CFAP43: variants seen among roughly 807,000 people sequenced by gnomAD.
The protein encoded by CFAP43 is cilia- and flagella-associated protein 43.
A neutral mutation model predicts 218.9 loss-of-function variants in CFAP43; 155 were observed. The ratio of observed to expected loss-of-function variants is 0.71; its 90% CI spans 0.62 to 0.81. CFAP43 has a LOEUF of 0.81. Among genes scored for constraint, CFAP43 ranks in the 30% least tolerant of loss-of-function variants. The pLI is 0.00. For missense variants in CFAP43, 1,778 were observed against 1,954.3 expected (o/e 0.91, Z 1.70); for synonymous variants, 645 against 681.3 (o/e 0.95, Z 0.83).
intron 10 of CFAP43, among the ~76,000 whole-genome samples, chr10:104,195,361 G>A (rs2090354087): frequency 6.6e-6 from 1 of 152,196 alleles, no homozygotes; most frequent in African/African-American, 2.4e-5. Context: ...TCTCTAATGT[G>A]TGAAAGGACA....
intron 3 of CFAP43, chr10:104,218,975 A>T: frequency 2.5e-6 from 1 of 402,012 alleles, no homozygotes; most frequent in Admixed American, 3.8e-5. Context: ...GACAGAAGGA[A>T]ACACATGTTG....
Position 104,206,002 on chromosome 10 carries a change from G to GACTGATAAAATTTCTGGACTGATATCA in CFAP43, c.923_924insTGATATCAGTCCAGAAATTTTATCAGT (p.Thr308_Leu309insAspIleSerProGluIleLeuSerVal). On this transcript the variant is annotated inframe_insertion, in exon 7 of 38. Transcript: ENST00000357060. ...GCACGCCCTCCTTCTGATATACCAA[G>GACTGATAAAATTTCTGGACTGATATCA]GTTACTGGACTGATAAAATTTCTTC... 1 of 1,610,210 alleles carries GACTGATAAAATTTCTGGACTGATATCA rather than the reference G, an allele frequency of 6.2e-7. No individual in the cohort carries two copies.
chr10:104,186,534 A>G (rs985353133), intron 14 of CFAP43, among the ~76,000 whole-genome samples: 3 of 151,952 alleles, frequency 2.0e-5, no homozygotes, highest in African/African-American at 7.3e-5. Flanking sequence ...GGAATGCCCT[A>G]CTCTACTCCA....
chr10:104,196,937 T>TA lies in CFAP43; in HGVS notation c.1213-5dup. 3 of 1,606,274 alleles carry TA rather than the reference T, an allele frequency of 1.9e-6. No homozygotes were observed. Among genetic ancestry groups the TA allele is most frequent in the South Asian group, 2.2e-5 (2 of 89,230 alleles). ...TTTCCCCTGAATATGTAAGTGTCTG[T>TA]AAAAAAAGAAAAACAAAAACTCTAC... is the stretch of plus-strand genomic sequence containing the variant. On this transcript the variant is annotated splice_region_variant and splice_polypyrimidine_tract_variant and intron_variant, in intron 9 of 37. Coordinates refer to ENST00000357060, the MANE Select transcript of CFAP43 (RefSeq NM_025145.7).
chr10:104,206,386 A>G (rs558928896), intron 6 of CFAP43, among the ~76,000 whole-genome samples: 1 of 152,178 alleles, frequency 6.6e-6, no homozygotes, highest in Non-Finnish European at 1.5e-5. Context: ...AGATTCAGAG[A>G]CAGTAAGTGC....
chr10:104,187,563 C>G (rs2090072218), intron 13 of CFAP43, 71 bp from the exon 14 acceptor site: 2 of 1,307,470 alleles, frequency 1.5e-6, no homozygotes, highest in Non-Finnish European at 2.0e-6. Flanking sequence ...AAATTATGAA[C>G]AATTATGAAA....
intron 29 of CFAP43, among the ~76,000 whole-genome samples, chr10:104,147,447 A>C (rs1293653187): frequency 6.6e-6 from 1 of 152,068 alleles, no homozygotes; most frequent in Non-Finnish European, 1.5e-5. Flanking sequence ...AGAGTTTTTC[A>C]TAATACGGCA....
intron 27 of CFAP43, among the ~76,000 whole-genome samples, chr10:104,157,736 A>ATGTGTGTGTGTGTG (rs71485761): frequency 3.7e-5 from 4 of 107,220 alleles, no homozygotes; most frequent in African/African-American, 1.8e-4. Flanking sequence ...AGCTAACTGG[A>ATGTGTGTGTGTGTG]TGTGTGTGTG....
chr10:104,193,902 T>C lies in CFAP43; in HGVS notation c.1406A>G (p.Lys469Arg), dbSNP rs777147652. Residue 469 changes from lysine to arginine, a missense_variant, in exon 11 of 38, where the codon AAG becomes AGG. Transcript: ENST00000357060. ...YDKESPQVVHKAFLSESSVQH... is the reference protein window; with the variant it reads ...YDKESPQVVHRAFLSESSVQH... ...CACGGACGATTCCGAGAGAAAGGCCTTGTGCACGACCTGAGGGGATTCCTT... is the reference window on the plus strand; with the variant it reads ...CACGGACGATTCCGAGAGAAAGGCCCTGTGCACGACCTGAGGGGATTCCTT... 1.9e-6 allele frequency: 3 copies of C among 1,614,012 alleles called. No homozygotes were observed. Among genetic ancestry groups the C allele is most frequent in the Non-Finnish European group, 2.5e-6 (3 of 1,179,974 alleles).
Position 104,166,471 on chromosome 10 carries a change from A to G in CFAP43, c.3039+17T>C. 2 of 1,594,162 alleles carry G rather than the reference A, an allele frequency of 1.3e-6. No homozygotes were observed. Among genetic ancestry groups the G allele is most frequent in the Non-Finnish European group, 1.7e-6 (2 of 1,167,690 alleles). ...GGAGTCTAGAGATTTTTCAGGATAA[A>G]AAGAAAATTGACCCACTTTCAATAA... On this transcript the variant is annotated intron_variant, in intron 23 of 37. Coordinates refer to ENST00000357060, the MANE Select transcript of CFAP43 (RefSeq NM_025145.7).
At position 104,133,615 on chromosome 10, in the gene CFAP43, T is replaced by G; in HGVS notation, c.4596+5A>C. ...AAACTATGTAGGGGGGTAGGGAGAA[T>G]TTACCTTTTGACGATCTCTTGAAAA... On this transcript the variant is annotated splice_donor_5th_base_variant and intron_variant, in intron 35 of 37. Coordinates refer to ENST00000357060, the MANE Select transcript of CFAP43 (RefSeq NM_025145.7). 1 of 1,610,302 alleles carries G rather than the reference T, an allele frequency of 6.2e-7. No homozygotes were observed. Among genetic ancestry groups the G allele is most frequent in the Non-Finnish European group, 8.5e-7 (1 of 1,178,844 alleles).
At chr10:104,177,996 A>G (rs879216101) in intron 19 of CFAP43, among the ~76,000 whole-genome samples, 1 of 152,252 alleles carries the variant, frequency 6.6e-6, no homozygotes, top group Non-Finnish European at 1.5e-5. Context: ...GGCATCATTC[A>G]CAGTGGATTC....
At chr10:104,187,963 T>G (rs2090085257) in intron 13 of CFAP43, among the ~76,000 whole-genome samples, 1 of 152,248 alleles carries the variant, frequency 6.6e-6, no homozygotes, top group Non-Finnish European at 1.5e-5. Context: ...GTAATCTATC[T>G]GAATTTAACC....
intron 22 of CFAP43, among the ~76,000 whole-genome samples, chr10:104,167,409 G>C (rs926514215): frequency 6.6e-6 from 1 of 152,136 alleles, no homozygotes; most frequent in African/African-American, 2.4e-5. Flanking sequence ...TTGAGGGCTA[G>C]CCAGTGTTGT....
chr10:104,219,011 A>G (rs1403735898), intron 3 of CFAP43: 1 of 383,576 alleles, frequency 2.6e-6, no homozygotes, highest in African/African-American at 2.2e-5. Context: ...GTGACCACAA[A>G]TGAACCTAAG....
Position 104,145,470 on chromosome 10 carries a change from A to G in CFAP43, c.3944+6T>C, listed in dbSNP as rs2087917624. ...TCAGAAACACAATAGTGAAGGAGAA[A>G]CAAACCTTGGTCGGCGTTTAAAAAG... On this transcript the variant is annotated splice_donor_region_variant and intron_variant, in intron 31 of 37. Coordinates refer to ENST00000357060, the MANE Select transcript of CFAP43 (RefSeq NM_025145.7). The G allele has an allele frequency of 6.3e-7, 1 of 1,583,426 alleles. No homozygotes were observed. Among genetic ancestry groups the G allele is most frequent in the East Asian group, 2.3e-5 (1 of 44,314 alleles).
In CFAP43 at chr10:104,166,692, C is replaced by T. The variant is rs760265549; in HGVS notation, c.2835G>A (p.Gln945=). The T allele has an allele frequency of 6.2e-7, 1 of 1,612,176 alleles. No homozygotes were observed. The highest frequency in any genetic ancestry group is 8.5e-7 in the Non-Finnish European group (1 of 1,179,342). ...LKLRKEIVEA[Q]SGVKLIKQRH... is the part of the protein sequence containing the mutation. ...GCTGTTTAATCAACTTAACTCCAGA[C>T]TGAGCCTCTACAATTTCCTTCCGTA... The change falls in exon 23 of 38, where the codon CAG becomes CAA. Residue 945 remains glutamine (Q), a synonymous_variant. Coordinates refer to ENST00000357060, the MANE Select transcript of CFAP43 (RefSeq NM_025145.7).
intron 3 of CFAP43, among the ~76,000 whole-genome samples, chr10:104,224,690 G>C (rs2091265702): frequency 6.8e-6 from 1 of 147,972 alleles, no homozygotes; most frequent in African/African-American, 2.5e-5. Context: ...GGGAGATGGA[G>C]GTTGCAGTGA....
At chr10:104,132,064 T>C in intron 36 of CFAP43, 52 bp downstream of exon 36, 1 of 1,369,412 alleles carries the variant, frequency 7.3e-7, no homozygotes, top group Non-Finnish European at 1.0e-6. Context: ...ATTACTTTGC[T>C]CAAATGATTT....
Sources: allele counts gnomAD v4.1 joint callset (sites outside exome capture counted in the v4.1 genomes callset), GRCh38; gene constraint gnomAD v4.1.1; transcripts MANE v1.5; gene names NCBI Gene and HGNC (gene_info 2026-07-23, HGNC 2026-07-21).